RAB5B: variants seen among roughly 807,000 people sequenced by gnomAD.
The protein encoded by RAB5B is RAB5B, member RAS oncogene family.
A neutral mutation model predicts 28.6 loss-of-function variants in RAB5B; 11 were observed. The observed-to-expected ratio is 0.38, with a 90% CI of 0.24 to 0.64. RAB5B has a LOEUF of 0.64. Among genes scored for constraint, RAB5B ranks in the 30% least tolerant of loss-of-function variants. RAB5B has a pLI of 0.53. For missense variants in RAB5B, 169 were observed against 265.6 expected, an observed-to-expected ratio of 0.64 and a Z score of 2.53; for synonymous variants, 93 against 97.9, an observed-to-expected ratio of 0.95 and a Z score of 0.29.
At chr12:55,991,215 G>T in intron 4 of RAB5B, 145 bp from the exon 5 acceptor site, 1 of 605,838 alleles carries the variant, frequency 1.7e-6, no homozygotes, top group South Asian at 2.0e-5. Flanking sequence ...ATTAAATTAT[G>T]CATCTAGGCT....
In RAB5B at chr12:55,991,533, T is replaced by TG. The variant is rs1890121570; in HGVS notation, c.532+81dup. ...ATAGCTAACCCAAATCAAGGATAGG[T>TG]GCGAGTATCTCCTTTTGCAAAAACT... On this transcript the variant is annotated intron_variant, in intron 5 of 5. Transcript: ENST00000360299. The TG allele has an allele frequency of 3.4e-6, 4 of 1,193,954 alleles. No homozygotes were observed. The Admixed American group carries it at 7.3e-5, about 22-fold the overall frequency. 74.0% of individuals were successfully genotyped at this position (1,193,954 alleles called of 1,614,324 possible). A position where few individuals can be genotyped will look rare whatever the true frequency, so the allele number is the denominator to read the frequency against.
At position 55,992,350 on chromosome 12, in the gene RAB5B, C is replaced by T. The variant is rs769119967; in HGVS notation, c.*138C>T. 24 of 747,910 alleles carry T rather than the reference C, an allele frequency of 3.2e-5. No homozygotes were observed. The highest frequency in any genetic ancestry group is 4.4e-5 in the Non-Finnish European group (19 of 434,572). 46.3% of individuals were successfully genotyped at this position (747,910 alleles called of 1,614,324 possible). On this transcript the variant is annotated 3_prime_UTR_variant, in exon 6 of 6. Coordinates refer to ENST00000360299, the MANE Select transcript of RAB5B (RefSeq NM_002868.4). ...CCCAAGGGCTGCCTCCTGACAGCTC[C>T]GTCATGGCACTTTTTAACGCTTCAG...
intron 1 of RAB5B, chr12:55,985,785 G>A: frequency 2.2e-6 from 1 of 454,726 alleles, no homozygotes; most frequent in Non-Finnish European, 4.4e-6. Context: ...TGGTGTGGAG[G>A]GTAATCTAAT....
At chr12:55,985,188 G>A (rs1307262856) in intron 1 of RAB5B, among the ~76,000 whole-genome samples, 1 of 152,114 alleles carries the variant, frequency 6.6e-6, no homozygotes, top group Non-Finnish European at 1.5e-5. Context: ...AACAAACGTG[G>A]AGAATTGGAC....
In RAB5B at chr12:55,992,502, G is replaced by A. The variant is rs1429314701; in HGVS notation, c.*290G>A. ...CACTTTGTATTATAGGTACAAGACA[G>A]CGACTTACGTATCTTTTCTCCTCCT... On this transcript the variant is annotated 3_prime_UTR_variant, in exon 6 of 6. Coordinates refer to ENST00000360299, the MANE Select transcript of RAB5B (RefSeq NM_002868.4). 1 of 571,780 alleles carries A rather than the reference G, an allele frequency of 1.7e-6. No homozygotes were observed. Among genetic ancestry groups the A allele is most frequent in the Non-Finnish European group, 3.3e-6 (1 of 302,080 alleles). The allele number at this position is 571,780 out of a possible 1,614,324, so 35.4% of individuals were successfully genotyped here. A position where few individuals can be genotyped will look rare whatever the true frequency, so the allele number is the denominator to read the frequency against.
At chr12:55,990,166 T>G in intron 3 of RAB5B, 68 bp downstream of exon 3, 1 of 1,491,198 alleles carries the variant, frequency 6.7e-7, no homozygotes, top group Non-Finnish European at 9.1e-7. Context: ...TCCCAACACT[T>G]TAGGATGCCA....
intron 5 of RAB5B, 151 bp from the exon 6 acceptor site, chr12:55,991,946 C>A: frequency 5.0e-6 from 3 of 600,508 alleles, no homozygotes; most frequent in Non-Finnish European, 2.9e-6. Context: ...AAAAAGTTTG[C>A]AAATAGTGAA....
intron 1 of RAB5B, among the ~76,000 whole-genome samples, chr12:55,974,653 T>G (rs1889595734): frequency 6.6e-6 from 1 of 152,142 alleles, no homozygotes; most frequent in South Asian, 2.1e-4. Flanking sequence ...TAAAAAGAAC[T>G]GAGGGTGCTA....
At chr12:55,983,280 A>G (rs1414078638) in intron 1 of RAB5B, among the ~76,000 whole-genome samples, 1 of 151,944 alleles carries the variant, frequency 6.6e-6, no homozygotes, top group Non-Finnish European at 1.5e-5. Flanking sequence ...GGGTTTCACT[A>G]TATGTTGGCC....
At chr12:55,981,264 A>C (rs1889800912) in intron 1 of RAB5B, among the ~76,000 whole-genome samples, 1 of 152,110 alleles carries the variant, frequency 6.6e-6, no homozygotes, top group Non-Finnish European at 1.5e-5. Context: ...GGTTTTCACC[A>C]CGTTGGCCAG....
chr12:55,976,298 G>A (rs916345801), intron 1 of RAB5B, among the ~76,000 whole-genome samples: 3 of 152,088 alleles, frequency 2.0e-5, no homozygotes, highest in Middle Eastern at 3.4e-3. Flanking sequence ...TTCCCTTCTG[G>A]GATGATACTC....
In RAB5B at chr12:55,994,762, C is replaced by T. The variant is rs1890239362; in HGVS notation, c.*2550C>T. 6.6e-6 allele frequency: 1 copy of T among 151,988 alleles called. No individual in the cohort carries two copies. Among genetic ancestry groups the T allele is most frequent in the Non-Finnish European group, 1.5e-5 (1 of 67,932 alleles). 9.4% of individuals were successfully genotyped at this position (151,988 alleles called of 1,614,324 possible). ...ATTGTTATTATTATTATTATTTTTG[C>T]TATTTGTCAGGTACTAGGAATTTGG... On this transcript the variant is annotated 3_prime_UTR_variant, in exon 6 of 6. Transcript: ENST00000360299.
chr12:55,980,798 C>T (rs1362627101), intron 1 of RAB5B: 17 of 1,579,050 alleles, frequency 1.1e-5, no homozygotes, highest in Admixed American at 1.7e-5. Context: ...CATGGCTCCA[C>T]GGTAGTAGGC....
Position 55,996,003 on chromosome 12 carries a change from A to ATATATATATATATATATTTTTTTTT in RAB5B, c.*3792_*3793insATATATATATATATATTTTTTTTTT. Reference sequence around the variant, plus strand: ...TATATACATATATATATATATATATATTTTTTTTTTAACAACTGGTAGGAT... The same window carrying ATATATATATATATATATTTTTTTTT: ...TATATACATATATATATATATATATATATATATATATATATATTTTTTTTTTTTTTTTTTTAACAACTGGTAGGAT... On this transcript the variant is annotated 3_prime_UTR_variant, in exon 6 of 6. Transcript: ENST00000360299. 1 of 97,434 alleles carries ATATATATATATATATATTTTTTTTT rather than the reference A, an allele frequency of 1.0e-5. No homozygotes were observed. The highest frequency in any genetic ancestry group is 2.0e-5 in the Non-Finnish European group (1 of 50,494). The allele number at this position is 97,434 out of a possible 1,614,324, so 6.0% of individuals were successfully genotyped here. A position where few individuals can be genotyped will look rare whatever the true frequency, so the allele number is the denominator to read the frequency against.
chr12:55,986,268 A>G (rs1889948143), intron 1 of RAB5B, among the ~76,000 whole-genome samples: 2 of 152,126 alleles, frequency 1.3e-5, no homozygotes, highest in African/African-American at 4.8e-5. Flanking sequence ...ACCAACATGG[A>G]GAAACTCCGT....
chr12:55,974,038 C>T (rs1172508222), upstream of RAB5B: 4 of 152,726 alleles, frequency 2.6e-5, no homozygotes, highest in African/African-American at 7.2e-5. Flanking sequence ...GAGCCCCGCC[C>T]CAGGGCGAGG....
intron 1 of RAB5B, among the ~76,000 whole-genome samples, chr12:55,975,273 T>A (rs1889613572): frequency 6.6e-6 from 1 of 152,174 alleles, no homozygotes. Flanking sequence ...AGGCAGGTAA[T>A]GGAGTTAACA....
intron 1 of RAB5B, among the ~76,000 whole-genome samples, chr12:55,981,832 T>C (rs931547684): frequency 1.5e-4 from 23 of 151,344 alleles, no homozygotes; most frequent in Admixed American, 7.2e-4. Context: ...GATGGAGTCT[T>C]GCTCTGTCAC....
chr12:55,992,079 T>G lies in RAB5B; in HGVS notation c.533-18T>G. The G allele has an allele frequency of 1.9e-6, 3 of 1,604,188 alleles. No homozygotes were observed. Among genetic ancestry groups the G allele is most frequent in the Non-Finnish European group, 2.6e-6 (3 of 1,171,080 alleles). ...GTAAAGTCTACCATACTTTGTTCTC[T>G]TCTCTTTTTATCTCTAGCTAAGAAG... On this transcript the variant is annotated intron_variant, in intron 5 of 5. Coordinates refer to ENST00000360299, the MANE Select transcript of RAB5B (RefSeq NM_002868.4).
Sources: allele counts gnomAD v4.1 joint callset (sites outside exome capture counted in the v4.1 genomes callset), GRCh38; gene constraint gnomAD v4.1.1; transcripts MANE v1.5; gene names NCBI Gene and HGNC (gene_info 2026-07-23, HGNC 2026-07-21).